ZNF236: variants seen among roughly 807,000 people sequenced by gnomAD.
ZNF236 encodes the protein regulated by glucose.
Under a neutral mutation model 191.2 loss-of-function variants are expected in ZNF236, and 50 were observed. That is an observed-to-expected ratio of 0.26 (90% CI 0.21 to 0.33). The LOEUF is 0.33. ZNF236 is among the 10% of genes least tolerant of loss of function. The pLI is 1.00. For missense variants in ZNF236, 1,754 were observed against 2,374.5 expected (o/e 0.74, Z 5.43); for synonymous variants, 907 against 928.8 (o/e 0.98, Z 0.43).
intron 26 of ZNF236, among the ~76,000 whole-genome samples, chr18:76,938,942 C>A (rs1451031279): frequency 6.6e-6 from 1 of 152,210 alleles, no homozygotes; most frequent in East Asian, 1.9e-4. Flanking sequence ...GTTTAACACA[C>A]CTTCTTCACC....
In ZNF236 at chr18:76,875,561, T is replaced by C. The variant is rs375671194; in HGVS notation, c.737T>C (p.Met246Thr). ...CAGAAGGGGGCACTGCAGACCCACA[T>C]GATCAAGCACACAGGTGAAAAACCC... ...FNQKGALQTH[M>T]IKHTGEKPHA... Residue 246 changes from methionine (M) to threonine (T), a missense_variant, in exon 6 of 31, where the codon ATG becomes ACG. This residue lies in a region of ZNF236 where 336 missense variants were observed against 495.1 expected (regional missense o/e 0.68). Transcript: ENST00000320610. This position sits in a 1 kb window ranked among gnomAD's most constrained non-coding sequence, Gnocchi z 4.3. 2 of 1,604,134 alleles carry C rather than the reference T, an allele frequency of 1.2e-6. No individual in the cohort carries two copies. The highest frequency in any genetic ancestry group is 1.3e-5 in the African/African-American group (1 of 74,732).
intron 20 of ZNF236, 134 bp from the exon 21 acceptor site, chr18:76,922,937 G>A (rs1967579314): frequency 1.5e-6 from 1 of 647,230 alleles, no homozygotes; most frequent in Non-Finnish European, 2.7e-6. Context: ...TTTTTTGTAT[G>A]GAGTGAAGCT....
intron 1 of ZNF236, among the ~76,000 whole-genome samples, chr18:76,825,020 G>GC (rs1397442446): frequency 6.6e-6 from 1 of 152,234 alleles, no homozygotes; most frequent in Non-Finnish European, 1.5e-5. Context: ...CCCTTTAACA[G>GC]AAACCCATTC....
rs79485825 is a variant in ZNF236 at position 76,956,262 on chromosome 18, G to A, written c.5112+80G>A. 8.2e-4 allele frequency: 1,225 copies of A among 1,487,744 alleles called. 5 individuals carry two copies. The highest frequency in any genetic ancestry group is 2.8e-3 in the South Asian group (231 of 82,444). The allele number at this position is 1,487,744 out of a possible 1,614,324, so 92.2% of individuals were successfully genotyped here. A position where few individuals can be genotyped will look rare whatever the true frequency, so the allele number is the denominator to read the frequency against. ...GGAGTCCAAGATTTAACACTGGCCG[G>A]GAATCTGGCATGTGTTTTTGAGGAA... On this transcript the variant is annotated intron_variant, in intron 28 of 30. Transcript: ENST00000320610.
In ZNF236 at chr18:76,970,189, T is replaced by C. The variant is rs1195074942; in HGVS notation, c.*1850T>C. On this transcript the variant is annotated 3_prime_UTR_variant, in exon 31 of 31. Transcript: ENST00000320610. Reference sequence around the variant, plus strand: ...AAAAATATCCCCAAAGTGGAAATTATTGGAATTTTAAACTTTTGTTCTTGC... The same window carrying C: ...AAAAATATCCCCAAAGTGGAAATTACTGGAATTTTAAACTTTTGTTCTTGC... 6.5e-6 allele frequency: 1 copy of C among 152,678 alleles called. No homozygotes were observed. Among genetic ancestry groups the C allele is most frequent in the Non-Finnish European group, 1.5e-5 (1 of 68,046 alleles). 9.5% of individuals were successfully genotyped at this position (152,678 alleles called of 1,614,324 possible).
chr18:76,908,964 TGTGTGTGTGTGTG>T, intron 14 of ZNF236, among the ~76,000 whole-genome samples: 1 of 570 alleles, frequency 1.8e-3, no homozygotes, highest in East Asian at 0.026. Flanking sequence ...TGTGTGTGTC[TGTGTGTGTGTGTG>T]TGTGTGTGTG....
chr18:76,848,470 C>T (rs762990719), intron 1 of ZNF236, among the ~76,000 whole-genome samples: 5 of 152,158 alleles, frequency 3.3e-5, no homozygotes, highest in Admixed American at 6.5e-5. Flanking sequence ...CTTTATTTTA[C>T]GGCATTTTTG....
chr18:76,852,135 G>A (rs1975895721), intron 3 of ZNF236, among the ~76,000 whole-genome samples, 196 bp downstream of exon 3: 1 of 152,178 alleles, frequency 6.6e-6, no homozygotes, highest in African/African-American at 2.4e-5. Context: ...CAATGCCTTA[G>A]GGTAGAGACA....
chr18:76,904,590 G>T, intron 12 of ZNF236, 69 bp downstream of exon 12: 1 of 1,426,770 alleles, frequency 7.0e-7, no homozygotes. Flanking sequence ...ATGACGTCTA[G>T]AAGTATTTAG....
intron 10 of ZNF236, among the ~76,000 whole-genome samples, chr18:76,896,689 C>T (rs947272652): frequency 6.7e-6 from 1 of 148,428 alleles, no homozygotes; most frequent in Non-Finnish European, 1.5e-5. Context: ...ACAGGTACAG[C>T]CTGCAGAGCT....
intron 10 of ZNF236, among the ~76,000 whole-genome samples, chr18:76,896,736 AGTACCAAACACAG>A (rs894598541): frequency 2.2e-4 from 33 of 151,904 alleles, no homozygotes; most frequent in Middle Eastern, 3.4e-3. Flanking sequence ...GACCACACAC[AGTACCAAACACAG>A]GTACCAAACA....
intron 1 of ZNF236, among the ~76,000 whole-genome samples, chr18:76,848,808 A>G (rs1975776432): frequency 1.3e-5 from 2 of 152,138 alleles, no homozygotes; most frequent in African/African-American, 2.4e-5. Flanking sequence ...TAGGACTACA[A>G]ATACGTGCCG....
At chr18:76,834,547 G>GTGA in intron 1 of ZNF236, 1 of 493,718 alleles carries the variant, frequency 2.0e-6, no homozygotes, top group Non-Finnish European at 3.9e-6. Context: ...TTTTAGCCTA[G>GTGA]TGATAACCAC....
intron 3 of ZNF236, among the ~76,000 whole-genome samples, chr18:76,855,124 A>G (rs928565426): frequency 3.0e-4 from 46 of 152,146 alleles, no homozygotes; most frequent in African/African-American, 1.1e-3. Flanking sequence ...GGGTTTCGCC[A>G]TGTTGGCCAG....
intron 30 of ZNF236, among the ~76,000 whole-genome samples, chr18:76,966,414 A>C (rs1350022845): frequency 2.0e-5 from 3 of 152,130 alleles, no homozygotes; most frequent in Non-Finnish European, 4.4e-5. Flanking sequence ...AGGGCACAGA[A>C]ATTTATTGGA....
At chr18:76,861,816 C>T (rs112572849) in intron 3 of ZNF236, among the ~76,000 whole-genome samples, 5,535 of 152,166 alleles carry the variant, frequency 0.036, 305 homozygotes, top group African/African-American at 0.12. Context: ...AGGTGGCGGA[C>T]GGTTGGAGGG....
At chr18:76,962,261 T>G (rs929127988) in intron 30 of ZNF236, among the ~76,000 whole-genome samples, 1 of 152,208 alleles carries the variant, frequency 6.6e-6, no homozygotes, top group Non-Finnish European at 1.5e-5. Flanking sequence ...TCCAGTTTCA[T>G]TCTCCTAACG....
intron 9 of ZNF236, among the ~76,000 whole-genome samples, chr18:76,893,940 A>C (rs1977322301): frequency 6.6e-6 from 1 of 152,252 alleles, no homozygotes; most frequent in African/African-American, 2.4e-5. Flanking sequence ...AGAAGGAAAC[A>C]GAAGGTTTTC....
Position 76,968,439 on chromosome 18 carries a change from T to C in ZNF236, c.*100T>C, listed in dbSNP as rs1452339396. Reference sequence around the variant, plus strand: ...GTTTTAAAGCTTCAAGTGTTAAAAATGCTACAATAGTTTTTTATCTATAAA... The same window carrying C: ...GTTTTAAAGCTTCAAGTGTTAAAAACGCTACAATAGTTTTTTATCTATAAA... On this transcript the variant is annotated 3_prime_UTR_variant, in exon 31 of 31. Coordinates refer to ENST00000320610, the MANE Select transcript of ZNF236 (RefSeq NM_001306089.2). 5.3e-6 allele frequency: 8 copies of C among 1,519,166 alleles called. No individual in the cohort carries two copies. Among genetic ancestry groups the C allele is most frequent in the Non-Finnish European group, 7.0e-6 (8 of 1,148,246 alleles). 94.1% of individuals were successfully genotyped at this position (1,519,166 alleles called of 1,614,324 possible).
Sources: gnomAD v4.1 joint callset for allele counts (sites outside exome capture counted in the v4.1 genomes callset) on GRCh38, gnomAD v4.1.1 for gene constraint, gnomAD v4.1.1 regional missense constraint, Gnocchi (gnomAD v3.1) non-coding constraint, MANE v1.5 for transcripts, NCBI Gene and HGNC (gene_info 2026-07-23, HGNC 2026-07-21) for gene names.